The following CAMK1D variants were observed in gnomAD, a reference collection of about 807,000 sequenced individuals.
CAMK1D encodes the protein calcium/calmodulin dependent protein kinase ID.
A neutral mutation model predicts 47.7 loss-of-function variants in CAMK1D; 9 were observed. The observed-to-expected ratio is 0.19, with a 90% CI of 0.11 to 0.33. The LOEUF is 0.33. CAMK1D is among the 10% of genes least tolerant of loss of function. CAMK1D has a pLI of 1.00. For missense variants in CAMK1D, 291 were observed against 488.7 expected (o/e 0.60, Z 3.81); for synonymous variants, 184 against 184.9 (o/e 0.99, Z 0.04).
Position 12,556,065 on chromosome 10 carries a change from C to T in CAMK1D, c.224+2709C>T, listed in dbSNP as rs549952047. On this transcript the variant is annotated intron_variant, in intron 2 of 10. Coordinates refer to ENST00000619168, the MANE Select transcript of CAMK1D (RefSeq NM_153498.4). The stretch of plus-strand genomic sequence containing the variant: ...TGCTGGAGTACCTGGAAGCGTGACC[C>T]CTCTTTCAGGAGTCAAGAACAAAGA... Among the ~76,000 whole-genome samples the T allele has an allele frequency of 5.3e-5, 8 of 152,204 alleles. No individual in the cohort carries two copies. In the South Asian group the frequency reaches 1.7e-3, roughly 32 times the overall value.
chr10:12,387,967 GC>G (rs1838583752), intron 1 of CAMK1D, among the ~76,000 whole-genome samples: 1 of 152,174 alleles, frequency 6.6e-6, no homozygotes, highest in Non-Finnish European at 1.5e-5. Flanking sequence ...AGCAGATGGA[GC>G]CCACTGTGGG....
chr10:12,723,653 G>A (rs866380035), intron 3 of CAMK1D, among the ~76,000 whole-genome samples: 6 of 152,016 alleles, frequency 3.9e-5, no homozygotes, highest in Middle Eastern at 3.4e-3. Flanking sequence ...AAATTGAAAG[G>A]CATTTTTTTC....
At chr10:12,634,911 C>T (rs1839471562) in intron 2 of CAMK1D, among the ~76,000 whole-genome samples, 1 of 152,130 alleles carries the variant, frequency 6.6e-6, no homozygotes. Context: ...GCAGCACAAG[C>T]AGATGAGGCT....
At chr10:12,789,779 A>C (rs11257988) in intron 5 of CAMK1D, among the ~76,000 whole-genome samples, 11,385 of 149,022 alleles carry the variant, frequency 0.076, 1,020 homozygotes, top group East Asian at 0.45. Context: ...ACATCATAAA[A>C]GAAGACCTAA....
intron 2 of CAMK1D, among the ~76,000 whole-genome samples, chr10:12,643,038 G>A (rs1173471913): frequency 6.6e-6 from 1 of 152,128 alleles, no homozygotes; most frequent in Non-Finnish European, 1.5e-5. Context: ...GTCTTACTCT[G>A]TTTCCTGGGC....
At chr10:12,555,687 T>C (rs1335574448) in intron 2 of CAMK1D, among the ~76,000 whole-genome samples, 1 of 152,224 alleles carries the variant, frequency 6.6e-6, no homozygotes, top group Non-Finnish European at 1.5e-5. Context: ...TTTGACATTG[T>C]AGATTGAATT....
chr10:12,577,241 G>C (rs186766432), intron 2 of CAMK1D, among the ~76,000 whole-genome samples: 1 of 152,190 alleles, frequency 6.6e-6, no homozygotes, highest in Non-Finnish European at 1.5e-5. Flanking sequence ...GGCTGGTTCT[G>C]TATGTCGCCG....
At chr10:12,822,821 T>C (rs1242010804) in intron 8 of CAMK1D, among the ~76,000 whole-genome samples, 8 of 152,236 alleles carry the variant, frequency 5.3e-5, no homozygotes, top group African/African-American at 1.9e-4. Flanking sequence ...TTGTTACTCT[T>C]GTTTCAGATG....
chr10:12,419,381 A>T (rs966572767), intron 1 of CAMK1D, among the ~76,000 whole-genome samples: 1 of 152,212 alleles, frequency 6.6e-6, no homozygotes, highest in African/African-American at 2.4e-5. Flanking sequence ...AACACTGCGC[A>T]GTAACATTTT....
At position 12,691,386 on chromosome 10, in the gene CAMK1D, TATATATATATATATATAA is replaced by T. The variant is rs1564495465; in HGVS notation, c.299+24594_299+24611del. ...ATATATATATATATATAAATATATA[TATATATATATATATATAA>T]ATATATATATATATATATTTTTTTT... On this transcript the variant is annotated intron_variant, in intron 3 of 10. Coordinates refer to ENST00000619168, the MANE Select transcript of CAMK1D (RefSeq NM_153498.4). 9.1e-3 allele frequency among the ~76,000 whole-genome samples: 65 copies of T among 7,164 alleles called. 2 individuals carry two copies. Among genetic ancestry groups the T allele is most frequent in the Non-Finnish European group, 0.011 (42 of 3,704 alleles). The allele number at this position is 7,164 out of a possible 152,430, so 4.7% of individuals were successfully genotyped here.
intron 2 of CAMK1D, among the ~76,000 whole-genome samples, chr10:12,571,476 A>AG: frequency 6.7e-6 from 1 of 148,532 alleles, no homozygotes; most frequent in Non-Finnish European, 1.5e-5. Context: ...AAAAAAGAAA[A>AG]AAAAGAAATA....
At chr10:12,721,661 T>A (rs1212243375) in intron 3 of CAMK1D, among the ~76,000 whole-genome samples, 1 of 152,210 alleles carries the variant, frequency 6.6e-6, no homozygotes, top group African/African-American at 2.4e-5. Context: ...CAGAGCTTAT[T>A]ACCTAGCAGA....
chr10:12,766,225 A>G (rs1407730355), intron 4 of CAMK1D, among the ~76,000 whole-genome samples: 1 of 151,802 alleles, frequency 6.6e-6, no homozygotes, highest in Non-Finnish European at 1.5e-5. Flanking sequence ...TCAGCCTCCC[A>G]AAGTCCAAAG....
At chr10:12,654,845 C>T (rs1840074142) in intron 2 of CAMK1D, among the ~76,000 whole-genome samples, 1 of 152,216 alleles carries the variant, frequency 6.6e-6, no homozygotes, top group Admixed American at 6.5e-5. Context: ...CTAAGATTCT[C>T]AGTAATTTAG....
intron 1 of CAMK1D, among the ~76,000 whole-genome samples, chr10:12,385,007 C>G (rs1838448231): frequency 1.3e-5 from 2 of 152,284 alleles, no homozygotes; most frequent in South Asian, 4.2e-4. Flanking sequence ...AAAAGATGCC[C>G]AACATCTTTA....
At chr10:12,476,562 C>T (rs556324238) in intron 1 of CAMK1D, among the ~76,000 whole-genome samples, 2 of 152,176 alleles carry the variant, frequency 1.3e-5, no homozygotes, top group Admixed American at 1.3e-4. Context: ...CCTTACTCAG[C>T]GAAGATCATT....
intron 2 of CAMK1D, among the ~76,000 whole-genome samples, chr10:12,559,995 A>G (rs1479991326): frequency 6.6e-6 from 1 of 152,160 alleles, no homozygotes. Flanking sequence ...GCGGAGCCTT[A>G]TCCTCCAGTT....
chr10:12,475,136 G>A (rs747771775), intron 1 of CAMK1D, among the ~76,000 whole-genome samples: 2 of 152,042 alleles, frequency 1.3e-5, no homozygotes, highest in South Asian at 2.1e-4. Flanking sequence ...TTGCTGGGTC[G>A]AATTCATTGT....
chr10:12,777,548 A>G (rs1382951349), intron 5 of CAMK1D, among the ~76,000 whole-genome samples: 1 of 151,426 alleles, frequency 6.6e-6, no homozygotes, highest in Non-Finnish European at 1.5e-5. Context: ...CTAATTTTAT[A>G]TTTTTATTAG....
Sources: allele counts gnomAD v4.1 joint callset (sites outside exome capture counted in the v4.1 genomes callset), GRCh38; gene constraint gnomAD v4.1.1; transcripts MANE v1.5; gene names NCBI Gene and HGNC (gene_info 2026-07-23, HGNC 2026-07-21).